KIF6: variants seen among roughly 807,000 people sequenced by gnomAD.
The protein encoded by KIF6 is kinesin family member 6.
KIF6 carries 106 observed loss-of-function variants against 112.7 expected under a neutral mutation model. The observed-to-expected ratio is 0.94, with a 90% CI of 0.80 to 1.11. The LOEUF is 1.11. Ranked by LOEUF, KIF6 falls within the 50% of genes least tolerant of loss-of-function variation. The probability of loss-of-function intolerance (pLI) is 0.00; values close to 1 mark genes in which losing one functional copy is unlikely to be tolerated. For missense variants in KIF6, 929 were observed against 964.0 expected, an observed-to-expected ratio of 0.96 and a Z score of 0.48; for synonymous variants, 339 against 339.9, an observed-to-expected ratio of 1.00 and a Z score of 0.03.
intron 13 of KIF6, among the ~76,000 whole-genome samples, chr6:39,438,438 G>A (rs1199878543): frequency 6.6e-6 from 1 of 152,108 alleles, no homozygotes; most frequent in Non-Finnish European, 1.5e-5. Flanking sequence ...ACCTTCCAGT[G>A]GGACAAGGTG....
intron 13 of KIF6, among the ~76,000 whole-genome samples, chr6:39,511,490 G>T (rs1427012834): frequency 2.6e-5 from 4 of 152,180 alleles, no homozygotes; most frequent in African/African-American, 9.7e-5. Flanking sequence ...TTACATTGTT[G>T]GTGGGAGTTC....
intron 15 of KIF6, among the ~76,000 whole-genome samples, chr6:39,414,158 C>T (rs570970249): frequency 6.6e-6 from 1 of 152,236 alleles, no homozygotes; most frequent in Non-Finnish European, 1.5e-5. Context: ...TATGGTAACA[C>T]ATTTTGATTT....
chr6:39,538,112 C>G (rs1778552717), intron 13 of KIF6, among the ~76,000 whole-genome samples: 1 of 152,062 alleles, frequency 6.6e-6, no homozygotes, highest in Admixed American at 6.5e-5. Flanking sequence ...ACCATAAAAA[C>G]CCTAGAAGAA....
chr6:39,477,274 C>A (rs930837032), intron 13 of KIF6, among the ~76,000 whole-genome samples: 1 of 152,096 alleles, frequency 6.6e-6, no homozygotes, highest in African/African-American at 2.4e-5. Flanking sequence ...TAAATTAGTA[C>A]AGAAAAATCC....
At chr6:39,426,768 A>G (rs1014918916) in intron 14 of KIF6, among the ~76,000 whole-genome samples, 2 of 151,980 alleles carry the variant, frequency 1.3e-5, no homozygotes, top group African/African-American at 4.8e-5. Context: ...AAAAAGTAAC[A>G]TGGAATGAAG....
chr6:39,439,441 C>A (rs1288087015), intron 13 of KIF6, among the ~76,000 whole-genome samples: 1 of 152,266 alleles, frequency 6.6e-6, no homozygotes, highest in African/African-American at 2.4e-5. Flanking sequence ...GTTACAGAAC[C>A]ATTTAAAACC....
In KIF6 at chr6:39,343,167, T is replaced by C; in HGVS notation, c.2428+542A>G. The C allele has an allele frequency of 1.0e-6, 1 of 985,352 alleles. No homozygotes were observed. The highest frequency in any genetic ancestry group is 1.2e-6 in the Non-Finnish European group (1 of 829,894). 61.0% of individuals were successfully genotyped at this position (985,352 alleles called of 1,614,324 possible). A position where few individuals can be genotyped will look rare whatever the true frequency, so the allele number is the denominator to read the frequency against. On this transcript the variant is annotated intron_variant, in intron 22 of 22. Coordinates refer to ENST00000287152, the MANE Select transcript of KIF6 (RefSeq NM_145027.6). This position sits in a 1 kb window ranked among gnomAD's most constrained non-coding sequence, Gnocchi z 4.1. Reference sequence around the variant, plus strand: ...GGGCTGGGGGTGGAGGGGGCAGTGATGCAGACCAAGAAGAGCCTTCTTCTC... The same window carrying C: ...GGGCTGGGGGTGGAGGGGGCAGTGACGCAGACCAAGAAGAGCCTTCTTCTC...
chr6:39,623,789 G>A (rs1209653393), intron 5 of KIF6, among the ~76,000 whole-genome samples: 1 of 152,148 alleles, frequency 6.6e-6, no homozygotes, highest in Non-Finnish European at 1.5e-5. Context: ...TTCCAGAGCA[G>A]GGAGATTAAT....
chr6:39,683,723 CAGA>C (rs1582442973), intron 3 of KIF6, among the ~76,000 whole-genome samples: 1 of 151,800 alleles, frequency 6.6e-6, no homozygotes, highest in Non-Finnish European at 1.5e-5. Flanking sequence ...GCAAAGAAGA[CAGA>C]AGAACAGCCG....
chr6:39,343,569 A>T lies in KIF6; in HGVS notation c.2428+140T>A. On this transcript the variant is annotated intron_variant, in intron 22 of 22. Transcript: ENST00000287152. The surrounding 1 kb of genome is among the most constrained non-coding windows in gnomAD (Gnocchi z 4.1). ...CGAGAAGGAATCAGAGGCTGGGCAC[A>T]TGTGACTGACAGGCAGGCCAGTCCT... The T allele has an allele frequency of 1.6e-6, 2 of 1,245,740 alleles. No individual in the cohort carries two copies. The highest frequency in any genetic ancestry group is 2.2e-6 in the Non-Finnish European group (2 of 901,778). The allele number at this position is 1,245,740 out of a possible 1,614,324, so 77.2% of individuals were successfully genotyped here. A position where few individuals can be genotyped will look rare whatever the true frequency, so the allele number is the denominator to read the frequency against.
chr6:39,624,536 A>C (rs1408130052), intron 5 of KIF6, among the ~76,000 whole-genome samples: 1 of 152,240 alleles, frequency 6.6e-6, no homozygotes, highest in African/African-American at 2.4e-5. Flanking sequence ...ATGTACTATC[A>C]GAATAAATCA....
At chr6:39,503,104 C>T (rs989297244) in intron 13 of KIF6, among the ~76,000 whole-genome samples, 3 of 151,832 alleles carry the variant, frequency 2.0e-5, no homozygotes, top group Admixed American at 6.6e-5. Flanking sequence ...AAACACTCCT[C>T]AGCAAATGCA....
intron 6 of KIF6, among the ~76,000 whole-genome samples, chr6:39,602,551 T>G (rs1173056706): frequency 1.3e-5 from 2 of 152,206 alleles, no homozygotes; most frequent in Admixed American, 1.3e-4. Context: ...TGTTGACTCT[T>G]GCTCATTTCT....
intron 16 of KIF6, among the ~76,000 whole-genome samples, chr6:39,371,787 C>T (rs1258148292): frequency 2.0e-5 from 3 of 152,118 alleles, no homozygotes; most frequent in Non-Finnish European, 4.4e-5. Flanking sequence ...AAGGAACCGC[C>T]CAATAAGGCA....
chr6:39,519,998 G>T (rs1434753661), intron 13 of KIF6, among the ~76,000 whole-genome samples: 1 of 152,050 alleles, frequency 6.6e-6, no homozygotes, highest in Non-Finnish European at 1.5e-5. Context: ...CTCCAGCCTG[G>T]GCAACAGAGT....
chr6:39,458,064 AC>A (rs1278018822), intron 13 of KIF6, among the ~76,000 whole-genome samples: 1 of 151,942 alleles, frequency 6.6e-6, no homozygotes, highest in African/African-American at 2.4e-5. Flanking sequence ...CAGAGACACA[AC>A]CAAAAAAGAG....
intron 16 of KIF6, among the ~76,000 whole-genome samples, chr6:39,367,649 GC>G (rs1377887242): frequency 6.6e-6 from 1 of 152,150 alleles, no homozygotes; most frequent in African/African-American, 2.4e-5. Flanking sequence ...TTTGGAATTA[GC>G]CGTGCAAGGA....
At chr6:39,698,370 AC>A (rs896018903) in intron 3 of KIF6, among the ~76,000 whole-genome samples, 2 of 152,218 alleles carry the variant, frequency 1.3e-5, no homozygotes, top group African/African-American at 4.8e-5. Context: ...GTAACATTAA[AC>A]CTGATTTTTG....
chr6:39,365,374 G>A (rs143515936), intron 16 of KIF6, among the ~76,000 whole-genome samples: 194 of 152,208 alleles, frequency 1.3e-3, no homozygotes, highest in African/African-American at 4.2e-3. Flanking sequence ...GAGGCAGCCC[G>A]CCTGTCCACA....
Sources: allele counts gnomAD v4.1 joint callset (sites outside exome capture counted in the v4.1 genomes callset), GRCh38; gene constraint gnomAD v4.1.1; non-coding constraint Gnocchi (gnomAD v3.1); transcripts MANE v1.5; gene names NCBI Gene and HGNC (gene_info 2026-07-23, HGNC 2026-07-21).